The following WDR76 variants were observed in gnomAD, a reference collection of about 807,000 sequenced individuals.
WDR76 encodes WD repeat domain 76.
A neutral mutation model predicts 70.2 loss-of-function variants in WDR76; 52 were observed. The observed-to-expected ratio is 0.74, with a 90% CI of 0.59 to 0.93. WDR76 has a LOEUF of 0.93. Among genes scored for constraint, WDR76 ranks in the 40% least tolerant of loss-of-function variants. The pLI is 0.00. For missense variants in WDR76, 756 were observed against 760.2 expected (o/e 0.99, Z 0.07); for synonymous variants, 292 against 271.1 (o/e 1.08, Z -0.76).
chr15:43,827,785 T>TCCGC (rs2087535274), intron 1 of WDR76, among the ~76,000 whole-genome samples, 180 bp from the exon 2 acceptor site: 1 of 152,194 alleles, frequency 6.6e-6, no homozygotes, highest in Non-Finnish European at 1.5e-5. Flanking sequence ...GACCTCGCGA[T>TCCGC]CTGCCCGATT....
chr15:43,858,717 C>T lies in WDR76; in HGVS notation c.1456C>T (p.Gln486Ter). 1.2e-6 allele frequency: 2 copies of T among 1,614,124 alleles called. No individual in the cohort carries two copies. The highest frequency in any genetic ancestry group is 2.2e-5 in the South Asian group (2 of 91,066). ...DARRLNSRRSQPLISLTEHTK... is the reference protein window; with the variant it reads ...DARRLNSRRS ...AAGGCGATTGAATTCCAGGAGAAGT[C>T]AGCCTTTGATTTCTTTGACTGAACA... Residue 486 changes from glutamine to a stop codon, truncating the protein, a stop_gained, in exon 11 of 13, where the codon CAG becomes TAG. Coordinates refer to ENST00000263795, the MANE Select transcript of WDR76 (RefSeq NM_024908.4). LOFTEE classifies it high-confidence loss of function.
At chr15:43,830,516 C>T (rs1049600992) in intron 2 of WDR76, among the ~76,000 whole-genome samples, 4 of 144,428 alleles carry the variant, frequency 2.8e-5, no homozygotes, top group South Asian at 4.4e-4. Flanking sequence ...GAGCCGAGAT[C>T]GTGCTGTTGC....
At chr15:43,836,307 C>G in intron 4 of WDR76, 91 bp downstream of exon 4, 2 of 1,215,838 alleles carry the variant, frequency 1.6e-6, no homozygotes, top group Non-Finnish European at 2.3e-6. Flanking sequence ...GTAAGCTTAA[C>G]AGATCATAAA....
At chr15:43,832,034 A>G (rs550976201) in intron 2 of WDR76, among the ~76,000 whole-genome samples, 2 of 152,310 alleles carry the variant, frequency 1.3e-5, no homozygotes, top group South Asian at 2.1e-4. Context: ...GGCGTGAGCC[A>G]CTGCACCTGG....
intron 11 of WDR76, among the ~76,000 whole-genome samples, chr15:43,859,386 C>T (rs2087969439): frequency 1.3e-5 from 2 of 152,166 alleles, no homozygotes; most frequent in Admixed American, 1.3e-4. Context: ...ATGTCGGGAA[C>T]ATTAGTGTAA....
chr15:43,866,074 T>C, intron 12 of WDR76, 54 bp from the exon 13 acceptor site: 1 of 1,594,918 alleles, frequency 6.3e-7, no homozygotes, highest in Non-Finnish European at 8.6e-7. Flanking sequence ...CTCTGCCCAA[T>C]GCTACCTTAT....
chr15:43,832,633 A>G (rs28524541), intron 2 of WDR76, among the ~76,000 whole-genome samples: 25,356 of 148,974 alleles, frequency 0.17, 2,944 homozygotes, highest in African/African-American at 0.32. Context: ...TTTAGTAGAG[A>G]TTAGGTTTCA....
chr15:43,851,007 T>C, intron 8 of WDR76, 80 bp from the exon 9 acceptor site: 4 of 1,524,486 alleles, frequency 2.6e-6, no homozygotes, highest in Non-Finnish European at 2.7e-6. Context: ...GTAAATTCTT[T>C]AATGACATAA....
intron 10 of WDR76, chr15:43,858,455 A>C: frequency 2.0e-6 from 1 of 488,258 alleles, no homozygotes; most frequent in Non-Finnish European, 3.6e-6. Flanking sequence ...CTCCATGTTG[A>C]GGCTGGTTTC....
chr15:43,841,201 G>GT (rs910565504), intron 5 of WDR76, among the ~76,000 whole-genome samples: 2,268 of 102,248 alleles, frequency 0.022, 48 homozygotes, highest in African/African-American at 0.032. Flanking sequence ...TTGTTTTTTT[G>GT]TTTTTTTTTT....
chr15:43,828,474 C>A (rs1004370898), intron 2 of WDR76, 108 bp downstream of exon 2: 5 of 975,110 alleles, frequency 5.1e-6, no homozygotes, highest in African/African-American at 4.9e-5. Flanking sequence ...GTTATTTCAT[C>A]ATCTAATGTA....
intron 8 of WDR76, among the ~76,000 whole-genome samples, chr15:43,844,494 C>G (rs147727636): frequency 0.014 from 2,177 of 151,914 alleles, 28 homozygotes; most frequent in Middle Eastern, 0.024. Flanking sequence ...GTGGTAGGTG[C>G]CTGTAATCCC....
At chr15:43,843,231 G>T (rs1469411518) in intron 7 of WDR76, among the ~76,000 whole-genome samples, 2 of 151,926 alleles carry the variant, frequency 1.3e-5, no homozygotes, top group African/African-American at 4.8e-5. Context: ...GTGTTGCCCA[G>T]GTTGGTCTTG....
intron 9 of WDR76, among the ~76,000 whole-genome samples, chr15:43,851,803 T>C (rs2087863332): frequency 6.6e-6 from 1 of 152,080 alleles, no homozygotes; most frequent in South Asian, 2.1e-4. Flanking sequence ...AGCTTGGTGG[T>C]GTGTGCCTGT....
chr15:43,864,238 CATAG>C (rs2088041582), intron 12 of WDR76, among the ~76,000 whole-genome samples: 1 of 152,174 alleles, frequency 6.6e-6, no homozygotes, highest in African/African-American at 2.4e-5. Context: ...ACAGGTATCT[CATAG>C]ATAGTTCATT....
intron 2 of WDR76, among the ~76,000 whole-genome samples, chr15:43,832,079 T>C (rs1341890472): frequency 2.6e-5 from 4 of 152,246 alleles, no homozygotes; most frequent in Admixed American, 2.0e-4. Flanking sequence ...ATTTGATTGA[T>C]GACCTAATTG....
rs370773260 is a variant in WDR76, at chr15:43,843,013, CTTTTTTTTTTTTT to C, written c.878+351_878+363del. ...TTTTGCATTACACTTTTTTCTTTTTCTTTTTTTTTTTTTTTTTTTTTGTTTTTTGAGACAAGGT... is the reference window on the plus strand; with the variant it reads ...TTTTGCATTACACTTTTTTCTTTTTCTTTTTTTTGTTTTTTGAGACAAGGT... On this transcript the variant is annotated intron_variant, in intron 7 of 12. Transcript: ENST00000263795. Among the ~76,000 whole-genome samples, 283 of 119,908 alleles carry C rather than the reference CTTTTTTTTTTTTT, an allele frequency of 2.4e-3. 3 individuals carry two copies. Among genetic ancestry groups the C allele is most frequent in the South Asian group, 5.0e-3 (19 of 3,806 alleles). The allele number at this position is 119,908 out of a possible 152,430, so 78.7% of individuals were successfully genotyped here.
At chr15:43,829,290 C>T (rs1184417489) in intron 2 of WDR76, among the ~76,000 whole-genome samples, 4 of 152,072 alleles carry the variant, frequency 2.6e-5, no homozygotes, top group South Asian at 4.1e-4. Flanking sequence ...ATAAAACATA[C>T]ATAGCACATG....
intron 12 of WDR76, among the ~76,000 whole-genome samples, chr15:43,864,234 A>G (rs1314857656): frequency 6.6e-6 from 1 of 152,212 alleles, no homozygotes; most frequent in East Asian, 1.9e-4. Context: ...GAGTACAGGT[A>G]TCTCATAGAT....
Sources: allele counts gnomAD v4.1 joint callset (sites outside exome capture counted in the v4.1 genomes callset), GRCh38; gene constraint gnomAD v4.1.1; transcripts MANE v1.5; gene names NCBI Gene and HGNC (gene_info 2026-07-23, HGNC 2026-07-21).